DCDC2C: variants seen among roughly 807,000 people sequenced by gnomAD.
DCDC2C encodes the protein doublecortin domain containing 2C.
In DCDC2C, 44 loss-of-function variants were observed where a neutral mutation model predicts 45.0. The observed-to-expected ratio is 0.98, with a 90% CI of 0.77 to 1.26. The LOEUF (loss-of-function observed/expected upper bound fraction) is 1.26. Among genes scored for constraint, DCDC2C ranks in the 50% most tolerant of loss-of-function variants. The pLI, the probability that DCDC2C is intolerant of heterozygous loss-of-function variation, is 0.00. For missense variants in DCDC2C, 447 were observed against 468.9 expected, an observed-to-expected ratio of 0.95 and a Z score of 0.43; for synonymous variants, 187 against 178.8, an observed-to-expected ratio of 1.05 and a Z score of -0.37.
intron 10 of DCDC2C, among the ~76,000 whole-genome samples, chr2:3,791,607 G>T (rs1481328186): frequency 6.6e-6 from 1 of 152,176 alleles, no homozygotes; most frequent in Non-Finnish European, 1.5e-5. Flanking sequence ...TGGTTGCTAG[G>T]CTGAGGACTC....
At chr2:3,796,954 C>T (rs1214518275) in intron 10 of DCDC2C, among the ~76,000 whole-genome samples, 1 of 152,118 alleles carries the variant, frequency 6.6e-6, no homozygotes, top group East Asian at 1.9e-4. Context: ...GTACCAGTTC[C>T]TCCTTGTACC....
intron 10 of DCDC2C, among the ~76,000 whole-genome samples, chr2:3,833,982 C>G (rs535866140): frequency 2.6e-5 from 4 of 152,154 alleles, no homozygotes; most frequent in Non-Finnish European, 5.9e-5. Flanking sequence ...AGTCTGATCT[C>G]TCTTTATTTT....
intron 6 of DCDC2C, among the ~76,000 whole-genome samples, chr2:3,763,611 G>A (rs978636818): frequency 1.3e-5 from 2 of 152,118 alleles, no homozygotes; most frequent in African/African-American, 4.8e-5. Context: ...ACTCTTACCT[G>A]CTTTCTTCTC....
chr2:3,768,895 T>A (rs1670086052), intron 7 of DCDC2C, among the ~76,000 whole-genome samples: 1 of 152,154 alleles, frequency 6.6e-6, no homozygotes, highest in Admixed American at 6.5e-5. Flanking sequence ...TTCTTAAAAT[T>A]TATTCTATTA....
intron 8 of DCDC2C, among the ~76,000 whole-genome samples, chr2:3,770,029 G>A (rs1264105737): frequency 2.0e-5 from 3 of 152,164 alleles, no homozygotes; most frequent in African/African-American, 7.2e-5. Context: ...GCGGGGTCAG[G>A]CCAGGGTTCC....
chr2:3,764,822 A>G (rs1669973362), intron 6 of DCDC2C, among the ~76,000 whole-genome samples: 1 of 152,220 alleles, frequency 6.6e-6, no homozygotes, highest in Admixed American at 6.5e-5. Flanking sequence ...TCTAAATGTG[A>G]TGTGAATCCT....
intron 10 of DCDC2C, among the ~76,000 whole-genome samples, chr2:3,793,320 G>A (rs949860567): frequency 2.0e-5 from 3 of 152,220 alleles, no homozygotes; most frequent in Non-Finnish European, 4.4e-5. Context: ...GTATACTTGG[G>A]ATGGACGAAA....
intron 6 of DCDC2C, among the ~76,000 whole-genome samples, chr2:3,766,783 A>T (rs1670025047): frequency 1.3e-5 from 2 of 152,260 alleles, no homozygotes; most frequent in Admixed American, 1.3e-4. Context: ...GATCAAAAAA[A>T]GAAAACCTAA....
chr2:3,706,100 T>C (rs1558555373), intron 1 of DCDC2C, among the ~76,000 whole-genome samples: 1 of 152,232 alleles, frequency 6.6e-6, no homozygotes, highest in African/African-American at 2.4e-5. Flanking sequence ...GGATTTTCAC[T>C]GGTATTAGTA....
At chr2:3,813,065 ATATT>A (rs1399748520) in intron 10 of DCDC2C, among the ~76,000 whole-genome samples, 3,575 of 28,388 alleles carry the variant, frequency 0.13, 53 homozygotes, top group Admixed American at 0.18. Flanking sequence ...ATATATATAT[ATATT>A]TTTTTTTTTT....
At chr2:3,769,603 C>T (rs544116873) in intron 8 of DCDC2C, among the ~76,000 whole-genome samples, 192 bp downstream of exon 8, 1 of 152,352 alleles carries the variant, frequency 6.6e-6, no homozygotes, top group Admixed American at 6.5e-5. Flanking sequence ...ACCTCCCCCA[C>T]AGCTTCTGCT....
intron 9 of DCDC2C, among the ~76,000 whole-genome samples, chr2:3,780,813 C>T (rs1220766088): frequency 4.6e-5 from 7 of 152,174 alleles, no homozygotes; most frequent in South Asian, 2.1e-4. Context: ...GTCGGCGTCA[C>T]GCAGGAGGTG....
At chr2:3,738,537 T>TG (rs67295428) in intron 3 of DCDC2C, among the ~76,000 whole-genome samples, 1 of 46,594 alleles carries the variant, frequency 2.1e-5, no homozygotes, top group East Asian at 1.1e-3. Flanking sequence ...CTGGTCTATC[T>TG]GGGAAAAAAA....
intron 3 of DCDC2C, among the ~76,000 whole-genome samples, chr2:3,735,415 C>T (rs1668996835): frequency 6.6e-6 from 1 of 151,788 alleles, no homozygotes; most frequent in Non-Finnish European, 1.5e-5. Flanking sequence ...CCCTCCCCTG[C>T]CCCCCACCCC....
chr2:3,736,769 G>A (rs147732259), intron 3 of DCDC2C, among the ~76,000 whole-genome samples: 2 of 152,282 alleles, frequency 1.3e-5, no homozygotes, highest in Admixed American at 6.5e-5. Context: ...AGTTCTCAAC[G>A]AGAAAGTTTA....
intron 10 of DCDC2C, among the ~76,000 whole-genome samples, chr2:3,838,880 G>A (rs372893553): frequency 1.9e-4 from 29 of 152,184 alleles, no homozygotes; most frequent in African/African-American, 6.3e-4. Flanking sequence ...CCTATTGCTA[G>A]ACTTATTTAG....
At chr2:3,834,865 A>G (rs1374372936) in intron 10 of DCDC2C, among the ~76,000 whole-genome samples, 1 of 152,212 alleles carries the variant, frequency 6.6e-6, no homozygotes, top group African/African-American at 2.4e-5. Flanking sequence ...GGAGCATCAC[A>G]TATTATGTGC....
chr2:3,761,069 T>C lies in DCDC2C; in HGVS notation c.726+6435T>C, dbSNP rs560472677. ...GGAACTTTTAGTCCAATGAAAGTAA[T>C]TGAATGAAGCTACTCTCATTATATA... is the stretch of plus-strand genomic sequence containing the variant. On this transcript the variant is annotated intron_variant, in intron 6 of 10. Coordinates refer to ENST00000399143, the MANE Select transcript of DCDC2C (RefSeq NM_001287444.2). This position sits in a 1 kb window ranked among gnomAD's most constrained non-coding sequence, Gnocchi z 4.3. 3.9e-5 allele frequency among the ~76,000 whole-genome samples: 6 copies of C among 152,350 alleles called. No individual in the cohort carries two copies. The highest frequency in any genetic ancestry group is 1.4e-4 in the African/African-American group (6 of 41,576).
intron 10 of DCDC2C, among the ~76,000 whole-genome samples, chr2:3,827,362 AC>A (rs944399987): frequency 9.9e-5 from 15 of 151,978 alleles, no homozygotes; most frequent in Non-Finnish European, 1.6e-4. Flanking sequence ...GCAGCCTGGG[AC>A]CGGGGAGACA....
Sources: allele counts gnomAD v4.1 joint callset (sites outside exome capture counted in the v4.1 genomes callset), GRCh38; gene constraint gnomAD v4.1.1; non-coding constraint Gnocchi (gnomAD v3.1); transcripts MANE v1.5; gene names NCBI Gene and HGNC (gene_info 2026-07-23, HGNC 2026-07-21).